TMA16: variants seen among roughly 807,000 people sequenced by gnomAD.
TMA16 encodes the protein translation machinery-associated protein 16.
TMA16 carries 26 observed loss-of-function variants against 27.1 expected under a neutral mutation model. The ratio of observed to expected loss-of-function variants is 0.96; its 90% CI spans 0.70 to 1.33. TMA16 has a LOEUF of 1.33. TMA16 is among the 40% of genes most tolerant of loss of function. The probability of loss-of-function intolerance (pLI) is 0.00; values close to 1 mark genes in which losing one functional copy is unlikely to be tolerated. For synonymous variants in TMA16, 71 were observed against 81.9 expected, an observed-to-expected ratio of 0.87 and a Z score of 0.72; for missense variants, 233 against 241.4, an observed-to-expected ratio of 0.97 and a Z score of 0.23.
chr4:163,499,126 A>G (rs1319593671), intron 1 of TMA16, among the ~76,000 whole-genome samples: 1 of 152,148 alleles, frequency 6.6e-6, no homozygotes, highest in African/African-American at 2.4e-5. Flanking sequence ...TTTTGTTTTT[A>G]AAGTTTTTCC....
At chr4:163,517,215 T>A in intron 5 of TMA16, 1 of 540,802 alleles carries the variant, frequency 1.8e-6, no homozygotes, top group East Asian at 3.3e-5. Context: ...TAGCTTTGTT[T>A]TATTTCATGG....
intron 1 of TMA16, among the ~76,000 whole-genome samples, chr4:163,501,006 A>T (rs78305359): frequency 0.017 from 2,549 of 152,300 alleles, 64 homozygotes; most frequent in African/African-American, 0.057. Flanking sequence ...TCAAAGTTTT[A>T]TTCAGTCAGA....
chr4:163,518,415 T>C (rs904015370), intron 6 of TMA16, among the ~76,000 whole-genome samples: 1 of 152,186 alleles, frequency 6.6e-6, no homozygotes, highest in Non-Finnish European at 1.5e-5. Flanking sequence ...CAGGATAAAC[T>C]GTCAAGGGAA....
intron 1 of TMA16, among the ~76,000 whole-genome samples, chr4:163,505,942 T>C (rs1737713399): frequency 6.6e-6 from 1 of 152,196 alleles, no homozygotes; most frequent in Admixed American, 6.5e-5. Flanking sequence ...GGAATAGGTA[T>C]GTTGGAGACT....
At position 163,520,244 on chromosome 4, in the gene TMA16, T is replaced by G; in HGVS notation, c.*730T>G. ...AGAGAGTTGAAGATTAGGGAACCAG[T>G]GATTTTAATTATGCTACTTTTTCTT... On this transcript the variant is annotated 3_prime_UTR_variant, in exon 7 of 7. Transcript: ENST00000358572. 4.1e-6 allele frequency: 1 copy of G among 242,224 alleles called. No homozygotes were observed. The allele number at this position is 242,224 out of a possible 1,614,324, so 15.0% of individuals were successfully genotyped here.
At chr4:163,515,162 A>C in intron 4 of TMA16, 151 bp from the exon 5 acceptor site, 2 of 665,460 alleles carry the variant, frequency 3.0e-6, no homozygotes, top group Non-Finnish European at 2.4e-6. Flanking sequence ...TATCCAGGGA[A>C]TGGGTAAAAG....
chr4:163,516,341 G>C lies in TMA16; in HGVS notation c.388+880G>C, dbSNP rs377190054. ...TTTTGATAAGATTTTGAGAAGACTAGATAGAACCATCCCCTCTCCCCTCCT... is the reference window on the plus strand; with the variant it reads ...TTTTGATAAGATTTTGAGAAGACTACATAGAACCATCCCCTCTCCCCTCCT... On this transcript the variant is annotated intron_variant, in intron 5 of 6. Coordinates refer to ENST00000358572, the MANE Select transcript of TMA16 (RefSeq NM_018352.3). Among the ~76,000 whole-genome samples the C allele has an allele frequency of 3.0e-4, 46 of 152,322 alleles. No homozygotes were observed. The South Asian group carries it at 9.3e-3, about 31-fold the overall frequency.
intron 2 of TMA16, chr4:163,512,277 A>G (rs1737810609): frequency 6.6e-6 from 1 of 152,222 alleles, no homozygotes. Context: ...TGGTATCCAG[A>G]GGTCTCCTGA....
At chr4:163,499,767 G>T (rs912449271) in intron 1 of TMA16, among the ~76,000 whole-genome samples, 1 of 151,262 alleles carries the variant, frequency 6.6e-6, no homozygotes, top group Admixed American at 6.6e-5. Context: ...TTATTTTTCT[G>T]AATATTTTCT....
At position 163,513,959 on chromosome 4, in the gene TMA16, T is replaced by C. The variant is rs1560915739; in HGVS notation, c.155-115T>C. 4.5e-6 allele frequency: 3 copies of C among 659,828 alleles called. No individual in the cohort carries two copies. In the East Asian group the frequency reaches 9.1e-5, roughly 20 times the overall value. The allele number at this position is 659,828 out of a possible 1,614,324, so 40.9% of individuals were successfully genotyped here. A position where few individuals can be genotyped will look rare whatever the true frequency, so the allele number is the denominator to read the frequency against. ...CCCACACAAGGCTTTATGTTTAACA[T>C]TGACATAAATTTTGGTTCTGTTTTA... is the stretch of plus-strand genomic sequence containing the variant. On this transcript the variant is annotated intron_variant, in intron 3 of 6. Transcript: ENST00000358572.
At chr4:163,516,243 T>TG (rs1315963252) in intron 5 of TMA16, 1 of 152,260 alleles carries the variant, frequency 6.6e-6, no homozygotes, top group African/African-American at 2.4e-5. Context: ...AATCAGGGGA[T>TG]GGGTCTGATG....
chr4:163,515,573 T>G, intron 5 of TMA16, 112 bp downstream of exon 5: 6 of 1,359,288 alleles, frequency 4.4e-6, no homozygotes, highest in Non-Finnish European at 5.9e-6. Flanking sequence ...TTTTCTTCCT[T>G]TGATGTCTTT....
At position 163,517,454 on chromosome 4, in the gene TMA16, G is replaced by A. The variant is rs370762801; in HGVS notation, c.409G>A (p.Ala137Thr). Residue 137 changes from alanine (A) to threonine (T), a missense_variant, in exon 6 of 7, where the codon GCA becomes ACA. Physicochemically the swap from Ala to Thr is moderately conservative, Grantham distance 58. Coordinates refer to ENST00000358572, the MANE Select transcript of TMA16 (RefSeq NM_018352.3). ...YGLEIPDILN[A>T]SNLKTFREWD... ...TCCAGAGATTCCAGACATTCTAAAT[G>A]CAAGTAATCTGAAAACATTTAGGTG... 6.2e-7 allele frequency: 1 copy of A among 1,613,392 alleles called. No homozygotes were observed. Among genetic ancestry groups the A allele is most frequent in the African/African-American group, 1.3e-5 (1 of 74,888 alleles).
In TMA16 at chr4:163,511,065, A is replaced by G. The variant is rs77941471; in HGVS notation, c.117-1757A>G. ...TTAACACACTTAAGATGTTTGCTTA[A>G]GTATATGAGAATTTGGGTATATAAG... is the stretch of plus-strand genomic sequence containing the variant. On this transcript the variant is annotated intron_variant, in intron 2 of 6. Coordinates refer to ENST00000358572, the MANE Select transcript of TMA16 (RefSeq NM_018352.3). Among the ~76,000 whole-genome samples the G allele has an allele frequency of 4.7e-3, 709 of 152,314 alleles. 2 individuals carry two copies. Among genetic ancestry groups the G allele is most frequent in the Non-Finnish European group, 5.7e-3 (386 of 68,032 alleles).
At chr4:163,498,673 A>G (rs555472043) in intron 1 of TMA16, among the ~76,000 whole-genome samples, 4 of 152,106 alleles carry the variant, frequency 2.6e-5, no homozygotes, top group African/African-American at 7.2e-5. Context: ...TTATTAAAAA[A>G]CTTTTTTTAG....
chr4:163,503,107 A>G (rs1470855179), intron 1 of TMA16, among the ~76,000 whole-genome samples: 1 of 152,212 alleles, frequency 6.6e-6, no homozygotes, highest in Non-Finnish European at 1.5e-5. Context: ...AGGCTATGCC[A>G]TAGAGCCTGT....
intron 4 of TMA16, among the ~76,000 whole-genome samples, chr4:163,514,951 G>T (rs12500221): frequency 1.3e-5 from 2 of 151,410 alleles, no homozygotes; most frequent in Admixed American, 6.6e-5. Context: ...CTGGACAACT[G>T]TTTCCTGAGA....
chr4:163,514,227 C>T (rs1210148586), intron 4 of TMA16, 69 bp downstream of exon 4: 2 of 1,256,974 alleles, frequency 1.6e-6, no homozygotes, highest in Non-Finnish European at 2.2e-6. Flanking sequence ...CTTTAAGACA[C>T]AGAGCTCTGT....
chr4:163,500,987 G>C (rs1378333799), intron 1 of TMA16, among the ~76,000 whole-genome samples: 2 of 152,144 alleles, frequency 1.3e-5, no homozygotes, highest in Non-Finnish European at 2.9e-5. Context: ...TTTTCAAAAT[G>C]CTTTTGTTTC....
Sources: allele counts gnomAD v4.1 joint callset (sites outside exome capture counted in the v4.1 genomes callset), GRCh38; gene constraint gnomAD v4.1.1; transcripts MANE v1.5; gene names NCBI Gene and HGNC (gene_info 2026-07-23, HGNC 2026-07-21).